The following HHAT variants were observed in gnomAD, a reference collection of about 807,000 sequenced individuals.
HHAT encodes hedgehog acyltransferase, also known as protein-cysteine N-palmitoyltransferase HHAT.
A neutral mutation model predicts 70.8 loss-of-function variants in HHAT; 47 were observed. The ratio of observed to expected loss-of-function variants is 0.66; its 90% CI spans 0.53 to 0.85. HHAT has a LOEUF of 0.85. Among genes scored for constraint, HHAT ranks in the 40% least tolerant of loss-of-function variants. The pLI is 0.00. For synonymous variants in HHAT, 228 were observed against 247.6 expected (o/e 0.92, Z 0.74); for missense variants, 609 against 604.8 (o/e 1.01, Z -0.07).
intron 9 of HHAT, among the ~76,000 whole-genome samples, chr1:210,587,202 T>C (rs1040035764): frequency 3.3e-5 from 5 of 152,172 alleles, no homozygotes; most frequent in African/African-American, 1.2e-4. Flanking sequence ...CAAGATTGGG[T>C]AATTTATAAA....
At chr1:210,599,003 AG>A (rs1663637641) in intron 10 of HHAT, among the ~76,000 whole-genome samples, 1 of 152,110 alleles carries the variant, frequency 6.6e-6, no homozygotes, top group African/African-American at 2.4e-5. Context: ...TGGTAGACTG[AG>A]AGCTGAACAT....
At chr1:210,505,104 G>C (rs921201632) in intron 8 of HHAT, among the ~76,000 whole-genome samples, 4 of 151,956 alleles carry the variant, frequency 2.6e-5, no homozygotes, top group African/African-American at 9.7e-5. Context: ...TCACCATGTT[G>C]GCCAGGCTGT....
At chr1:210,453,677 A>G (rs1217762601) in intron 7 of HHAT, among the ~76,000 whole-genome samples, 6 of 152,210 alleles carry the variant, frequency 3.9e-5, no homozygotes, top group African/African-American at 1.4e-4. Flanking sequence ...AACCAGGTTG[A>G]CATATGGAAA....
chr1:210,609,195 G>A (rs4567341), intron 10 of HHAT, among the ~76,000 whole-genome samples: 134,116 of 152,172 alleles, frequency 0.88, 59,330 homozygotes, highest in East Asian at 0.99. Context: ...TGCTCCTTTT[G>A]TTCAAAATTT....
chr1:210,469,403 C>A (rs1229789447), intron 8 of HHAT, among the ~76,000 whole-genome samples: 1 of 152,098 alleles, frequency 6.6e-6, no homozygotes, highest in Admixed American at 6.5e-5. Flanking sequence ...AGGGAGATGA[C>A]CACCAGGATC....
chr1:210,653,085 A>G (rs2148938684), intron 11 of HHAT, among the ~76,000 whole-genome samples: 1 of 152,324 alleles, frequency 6.6e-6, no homozygotes, highest in Non-Finnish European at 1.5e-5. Flanking sequence ...CGGCATATCC[A>G]TTCTGCAGAA....
At chr1:210,625,266 T>G (rs1669618454) in intron 11 of HHAT, among the ~76,000 whole-genome samples, 1 of 152,198 alleles carries the variant, frequency 6.6e-6, no homozygotes, top group South Asian at 2.1e-4. Flanking sequence ...TACAGCATCC[T>G]TTACTTTTCT....
chr1:210,491,808 G>GGT (rs567101232), intron 8 of HHAT, among the ~76,000 whole-genome samples: 31 of 152,156 alleles, frequency 2.0e-4, no homozygotes, highest in African/African-American at 7.2e-4. Flanking sequence ...TGTCGTCCAG[G>GGT]GTGGAGTGCA....
chr1:210,563,105 T>C (rs2095639160), intron 9 of HHAT, among the ~76,000 whole-genome samples: 1 of 152,062 alleles, frequency 6.6e-6, no homozygotes, highest in South Asian at 2.1e-4. Flanking sequence ...CCTTAACCAC[T>C]ATACTTTGAG....
At position 210,387,597 on chromosome 1, in the gene HHAT, T is replaced by C; in HGVS notation, c.273+16T>C. 6.3e-7 allele frequency: 1 copy of C among 1,578,872 alleles called. No homozygotes were observed. The highest frequency in any genetic ancestry group is 1.7e-4 in the Middle Eastern group (1 of 5,996). Reference sequence around the variant, plus strand: ...GGCAAGAAAGGTATGATTATATGTGTTGTTACCTTTTAAGTGTGTTTTTCC... The same window carrying C: ...GGCAAGAAAGGTATGATTATATGTGCTGTTACCTTTTAAGTGTGTTTTTCC... On this transcript the variant is annotated intron_variant, in intron 4 of 11. Coordinates refer to ENST00000261458, the MANE Select transcript of HHAT (RefSeq NM_018194.6).
intron 9 of HHAT, among the ~76,000 whole-genome samples, chr1:210,578,983 A>T (rs1336675104): frequency 6.6e-6 from 1 of 152,212 alleles, no homozygotes; most frequent in East Asian, 1.9e-4. Flanking sequence ...AGCCATGGAA[A>T]ACAATGAGAT....
At chr1:210,390,823 C>T (rs921868457) in intron 4 of HHAT, among the ~76,000 whole-genome samples, 1 of 152,232 alleles carries the variant, frequency 6.6e-6, no homozygotes, top group South Asian at 2.1e-4. Context: ...CTGCAAAAGA[C>T]ATTATTTCAT....
chr1:210,480,953 C>A (rs758719618), intron 8 of HHAT, among the ~76,000 whole-genome samples: 1 of 152,194 alleles, frequency 6.6e-6, no homozygotes, highest in African/African-American at 2.4e-5. Context: ...TATGTGTCAG[C>A]AACTGTGCTT....
Position 210,374,074 on chromosome 1 carries a change from A to G in HHAT, c.159+11155A>G, listed in dbSNP as rs571866811. 4.6e-5 allele frequency: 7 copies of G among 152,354 alleles called. No homozygotes were observed. The East Asian group carries it at 7.7e-4, about 17-fold the overall frequency. The allele number at this position is 152,354 out of a possible 1,614,324, so 9.4% of individuals were successfully genotyped here. ...AAGTTCTGTTACACAATGTTTAAACAAACAGTGACAATGAATCACTTAAGC... is the reference window on the plus strand; with the variant it reads ...AAGTTCTGTTACACAATGTTTAAACGAACAGTGACAATGAATCACTTAAGC... On this transcript the variant is annotated intron_variant, in intron 3 of 11. Coordinates refer to ENST00000261458, the MANE Select transcript of HHAT (RefSeq NM_018194.6).
intron 6 of HHAT, among the ~76,000 whole-genome samples, chr1:210,417,465 C>T (rs548172419): frequency 6.6e-6 from 1 of 152,276 alleles, no homozygotes; most frequent in African/African-American, 2.4e-5. Context: ...GAACTCCTGA[C>T]CTCAGGTGAT....
At chr1:210,666,985 CAGG>C (rs34564944) in intron 11 of HHAT, among the ~76,000 whole-genome samples, 42,056 of 151,056 alleles carry the variant, frequency 0.28, 6,186 homozygotes, top group East Asian at 0.37. Flanking sequence ...GAGGCTGAAG[CAGG>C]AGAACGGCGT....
chr1:210,636,291 A>T (rs1346508570), intron 11 of HHAT, among the ~76,000 whole-genome samples: 1 of 152,088 alleles, frequency 6.6e-6, no homozygotes, highest in Non-Finnish European at 1.5e-5. Context: ...TTAGGGAGGG[A>T]TTCACTTCCC....
rs368531187 is a variant in HHAT, at chr1:210,418,214, G to A, written c.745G>A (p.Gly249Ser). 1 of 1,614,066 alleles carries A rather than the reference G, an allele frequency of 6.2e-7. No individual in the cohort carries two copies. Among genetic ancestry groups the A allele is most frequent in the Non-Finnish European group, 8.5e-7 (1 of 1,180,002 alleles). The change falls in exon 7 of 12, where the codon GGC becomes AGC. Residue 249 changes from glycine to serine, a missense_variant. Coordinates refer to ENST00000261458, the MANE Select transcript of HHAT (RefSeq NM_018194.6). The stretch of plus-strand genomic sequence containing the variant: ...CCTGTGTGTCCTGGCCCTGGGGCTG[G>A]GCCGCCTTCTTTGCTGGTGGTGGCT... ...ASLCVLALGL[G>S]RLLCWWWLAE...
intron 10 of HHAT, among the ~76,000 whole-genome samples, chr1:210,603,315 T>G (rs907514691): frequency 7.1e-6 from 1 of 140,428 alleles, no homozygotes; most frequent in Non-Finnish European, 1.6e-5. Flanking sequence ...TCTCGGTGGT[T>G]TGTGGAGTTT....
Sources: gnomAD v4.1 joint callset for allele counts (sites outside exome capture counted in the v4.1 genomes callset) on GRCh38, gnomAD v4.1.1 for gene constraint, MANE v1.5 for transcripts, NCBI Gene and HGNC (gene_info 2026-07-23, HGNC 2026-07-21) for gene names.